ZBTB20: variants seen among roughly 807,000 people sequenced by gnomAD.
ZBTB20 encodes the protein zinc finger and BTB domain-containing protein 20.
A neutral mutation model predicts 56.9 loss-of-function variants in ZBTB20; 9 were observed. The ratio of observed to expected loss-of-function variants is 0.16; its 90% CI spans 0.10 to 0.28. ZBTB20 has a LOEUF of 0.28. Ranked by LOEUF, ZBTB20 falls within the 10% of genes least tolerant of loss-of-function variation. The probability of loss-of-function intolerance (pLI) is 1.00; values close to 1 mark genes in which losing one functional copy is unlikely to be tolerated. For missense variants in ZBTB20, 655 were observed against 1,003.0 expected (o/e 0.65, Z 4.69); for synonymous variants, 417 against 420.7 (o/e 0.99, Z 0.11).
chr3:114,343,674 G>A (rs1356882171), intron 11 of ZBTB20, among the ~76,000 whole-genome samples: 1 of 152,230 alleles, frequency 6.6e-6, no homozygotes, highest in Non-Finnish European at 1.5e-5. Context: ...TATTAACAAT[G>A]GAAGTACATT....
At chr3:114,755,168 A>T (rs2067914535) in intron 5 of ZBTB20, among the ~76,000 whole-genome samples, 2 of 152,140 alleles carry the variant, frequency 1.3e-5, no homozygotes, top group Admixed American at 6.5e-5. Context: ...TGGACTACTT[A>T]CCATGGACTA....
chr3:114,792,633 A>T (rs1432909586), intron 5 of ZBTB20, among the ~76,000 whole-genome samples: 1 of 152,118 alleles, frequency 6.6e-6, no homozygotes, highest in African/African-American at 2.4e-5. Context: ...AGTAATAGAA[A>T]ATGACCTCTT....
intron 6 of ZBTB20, among the ~76,000 whole-genome samples, chr3:114,667,959 A>T (rs561653174): frequency 1.5e-4 from 23 of 152,152 alleles, no homozygotes; most frequent in African/African-American, 5.5e-4. Context: ...ATAAAATGCT[A>T]TAAGACTCTG....
chr3:115,036,528 C>A (rs775421533), intron 2 of ZBTB20, among the ~76,000 whole-genome samples: 9 of 152,148 alleles, frequency 5.9e-5, no homozygotes, highest in Non-Finnish European at 1.2e-4. Flanking sequence ...GATTCTCCTG[C>A]CTCAGCCTCC....
chr3:115,062,167 A>C (rs1419207399), intron 2 of ZBTB20, among the ~76,000 whole-genome samples: 1 of 152,166 alleles, frequency 6.6e-6, no homozygotes, highest in African/African-American at 2.4e-5. Flanking sequence ...TGCCTGGAGA[A>C]CGTCCATCAG....
At chr3:114,452,043 C>G (rs1358561743) in intron 7 of ZBTB20, among the ~76,000 whole-genome samples, 1 of 149,648 alleles carries the variant, frequency 6.7e-6, no homozygotes, top group East Asian at 2.0e-4. Flanking sequence ...TCCCCTTGGT[C>G]ACATCAAAAA....
intron 2 of ZBTB20, among the ~76,000 whole-genome samples, chr3:115,011,813 G>A (rs1276056046): frequency 6.6e-6 from 1 of 151,730 alleles, no homozygotes; most frequent in Non-Finnish European, 1.5e-5. Flanking sequence ...TAAGTACAAA[G>A]AGTAAATGAT....
intron 6 of ZBTB20, among the ~76,000 whole-genome samples, chr3:114,507,614 T>A (rs1190866757): frequency 6.6e-6 from 1 of 152,140 alleles, no homozygotes; most frequent in Non-Finnish European, 1.5e-5. Flanking sequence ...CTAAGAGCAG[T>A]TCTGAAATTT....
At chr3:115,060,291 T>G (rs930097035) in intron 2 of ZBTB20, among the ~76,000 whole-genome samples, 4 of 152,192 alleles carry the variant, frequency 2.6e-5, no homozygotes, top group African/African-American at 9.6e-5. Flanking sequence ...AATAATATAG[T>G]CTACCTCAAA....
chr3:115,096,047 T>C (rs1034864991), intron 1 of ZBTB20, among the ~76,000 whole-genome samples: 3 of 152,214 alleles, frequency 2.0e-5, no homozygotes, highest in East Asian at 1.9e-4. Context: ...ACTTGAAAGC[T>C]TGGTGTAAAG....
At chr3:115,025,545 T>C (rs1420077636) in intron 2 of ZBTB20, among the ~76,000 whole-genome samples, 1 of 150,944 alleles carries the variant, frequency 6.6e-6, no homozygotes, top group Non-Finnish European at 1.5e-5. Flanking sequence ...ATAAAAGTAA[T>C]AAAATATAAT....
intron 1 of ZBTB20, among the ~76,000 whole-genome samples, chr3:115,121,294 T>G (rs1391999997): frequency 1.3e-5 from 2 of 152,084 alleles, no homozygotes; most frequent in Non-Finnish European, 2.9e-5. Context: ...TAATAAATGA[T>G]TCCCTTGTAC....
chr3:115,106,555 C>G lies in ZBTB20; in HGVS notation c.-702-35141G>C, dbSNP rs1000431463. ...GCCAATTAGGCAATAATTCTTAACC[C>G]TAGTCATCTATTTTAAAATTGTATC... On this transcript the variant is annotated intron_variant, in intron 1 of 11. Transcript: ENST00000675478. 1.5e-4 allele frequency among the ~76,000 whole-genome samples: 23 copies of G among 152,102 alleles called. 1 individual carries two copies. Among genetic ancestry groups the G allele is most frequent in the East Asian group, 5.8e-4 (3 of 5,176 alleles).
chr3:114,480,978 G>T (rs1422179118), intron 7 of ZBTB20, among the ~76,000 whole-genome samples: 2 of 152,040 alleles, frequency 1.3e-5, no homozygotes, highest in Non-Finnish European at 2.9e-5. Flanking sequence ...CATACTAATA[G>T]ATGAAGTTAG....
At chr3:114,478,826 A>G (rs182679623) in intron 7 of ZBTB20, among the ~76,000 whole-genome samples, 21 of 152,310 alleles carry the variant, frequency 1.4e-4, no homozygotes, top group African/African-American at 5.1e-4. Flanking sequence ...TTTAAAAAAT[A>G]GATACCAAAT....
At chr3:114,721,101 G>C (rs2064876645) in intron 5 of ZBTB20, among the ~76,000 whole-genome samples, 1 of 152,138 alleles carries the variant, frequency 6.6e-6, no homozygotes, top group Non-Finnish European at 1.5e-5. Flanking sequence ...AGTTGGAATT[G>C]TAATAGGAAA....
chr3:114,752,469 A>G (rs1301566190), intron 5 of ZBTB20, among the ~76,000 whole-genome samples: 1 of 152,210 alleles, frequency 6.6e-6, no homozygotes, highest in Non-Finnish European at 1.5e-5. Flanking sequence ...GCCAGTTGGC[A>G]TAACCTTAGG....
intron 2 of ZBTB20, among the ~76,000 whole-genome samples, chr3:114,975,774 T>C (rs1268423958): frequency 6.6e-6 from 1 of 152,190 alleles, no homozygotes; most frequent in African/African-American, 2.4e-5. Flanking sequence ...AGGACACCTT[T>C]GAGAAAATTA....
At chr3:114,834,483 A>G (rs1465246423) in intron 4 of ZBTB20, among the ~76,000 whole-genome samples, 1 of 152,212 alleles carries the variant, frequency 6.6e-6, no homozygotes, top group African/African-American at 2.4e-5. Context: ...ACTGTCAGCA[A>G]GAATTTTTAA....
Sources: allele counts gnomAD v4.1 joint callset (sites outside exome capture counted in the v4.1 genomes callset), GRCh38; gene constraint gnomAD v4.1.1; transcripts MANE v1.5; gene names NCBI Gene and HGNC (gene_info 2026-07-23, HGNC 2026-07-21).